Variants in NTF3 observed in about 807,000 individuals in gnomAD.
NTF3 encodes neurotrophin-3.
A neutral mutation model predicts 26.3 loss-of-function variants in NTF3; 8 were observed. The observed-to-expected ratio is 0.30, with a 90% CI of 0.18 to 0.55. The LOEUF is 0.55. Among genes scored for constraint, NTF3 ranks in the 20% least tolerant of loss-of-function variants. The pLI, the probability that NTF3 is intolerant of heterozygous loss-of-function variation, is 0.93. For synonymous variants in NTF3, 154 were observed against 145.5 expected (o/e 1.06, Z -0.42); for missense variants, 276 against 352.9 (o/e 0.78, Z 1.75).
intron 1 of NTF3, among the ~76,000 whole-genome samples, chr12:5,438,090 G>A (rs1442921483): frequency 6.6e-6 from 1 of 151,812 alleles, no homozygotes; most frequent in African/African-American, 2.4e-5. Flanking sequence ...GAACCTTGAA[G>A]TATGAGGCCA....
At chr12:5,490,613 G>A (rs1164867533) in intron 1 of NTF3, among the ~76,000 whole-genome samples, 2 of 152,232 alleles carry the variant, frequency 1.3e-5, no homozygotes, top group Non-Finnish European at 2.9e-5. Flanking sequence ...AGAAATGAAG[G>A]TATTGGTGGC....
intron 1 of NTF3, among the ~76,000 whole-genome samples, chr12:5,475,865 A>C (rs1159067533): frequency 6.6e-6 from 1 of 151,110 alleles, no homozygotes; most frequent in African/African-American, 2.4e-5. Context: ...AGAGAGAGAG[A>C]GAGAGAGAGA....
At chr12:5,434,148 G>A (rs555155960) in intron 1 of NTF3, among the ~76,000 whole-genome samples, 1 of 152,142 alleles carries the variant, frequency 6.6e-6, no homozygotes, top group South Asian at 2.1e-4. Flanking sequence ...TTTTTGACAT[G>A]TCACACAAAG....
chr12:5,461,068 T>C (rs944059135), intron 1 of NTF3, among the ~76,000 whole-genome samples: 1 of 152,040 alleles, frequency 6.6e-6, no homozygotes, highest in African/African-American at 2.4e-5. Context: ...AGAGTGGGAT[T>C]GGGGGGGAAG....
At chr12:5,459,661 T>C (rs1004084883) in intron 1 of NTF3, among the ~76,000 whole-genome samples, 6 of 152,224 alleles carry the variant, frequency 3.9e-5, no homozygotes, top group African/African-American at 1.2e-4. Context: ...GCTTAGCGGA[T>C]GTCCTAGACG....
At chr12:5,437,315 T>G (rs896298886) in intron 1 of NTF3, among the ~76,000 whole-genome samples, 1 of 152,166 alleles carries the variant, frequency 6.6e-6, no homozygotes, top group Admixed American at 6.5e-5. Flanking sequence ...TTGGGCCAAT[T>G]AAGTTGATTG....
At position 5,433,346 on chromosome 12, in the gene NTF3, G is replaced by C. The variant is rs966819808; in HGVS notation, c.18+1004G>C. ...GCAGCCAGCCAGGTCGGAGTTTAAA[G>C]GTCCCACGACGGACCGAACTGTCCC... On this transcript the variant is annotated intron_variant, in intron 1 of 1. Transcript: ENST00000423158. The surrounding 1 kb of genome is among the most constrained non-coding windows in gnomAD (Gnocchi z 4.6). 1 of 152,550 alleles carries C rather than the reference G, an allele frequency of 6.6e-6. No individual in the cohort carries two copies. Among genetic ancestry groups the C allele is most frequent in the Non-Finnish European group, 1.5e-5 (1 of 68,304 alleles). The allele number at this position is 152,550 out of a possible 1,614,324, so 9.4% of individuals were successfully genotyped here.
Position 5,495,144 on chromosome 12 carries a change from C to A in NTF3, c.*156C>A. The stretch of plus-strand genomic sequence containing the variant: ...ATATAAGCTTTTTTCTCAATAAAAT[C>A]AGTGTGCTTGCCTTCCCTCAGGCCT... On this transcript the variant is annotated 3_prime_UTR_variant, in exon 2 of 2. Transcript: ENST00000423158. 1 of 825,862 alleles carries A rather than the reference C, an allele frequency of 1.2e-6. No homozygotes were observed. The highest frequency in any genetic ancestry group is 1.9e-6 in the Non-Finnish European group (1 of 538,766). 51.2% of individuals were successfully genotyped at this position (825,862 alleles called of 1,614,324 possible).
intron 1 of NTF3, among the ~76,000 whole-genome samples, chr12:5,466,064 C>G (rs959275813): frequency 6.6e-6 from 1 of 152,192 alleles, no homozygotes; most frequent in Non-Finnish European, 1.5e-5. Context: ...GTCTCAGCCT[C>G]CCTGAAGAAT....
At chr12:5,480,583 C>T (rs1377124534) in intron 1 of NTF3, among the ~76,000 whole-genome samples, 2 of 152,100 alleles carry the variant, frequency 1.3e-5, no homozygotes, top group Non-Finnish European at 2.9e-5. Context: ...GGAGCTGACC[C>T]GGGAGGGAGA....
At chr12:5,455,577 CACACACAT>C (rs879423255) in intron 1 of NTF3, among the ~76,000 whole-genome samples, 8,812 of 85,944 alleles carry the variant, frequency 0.1, 719 homozygotes, top group African/African-American at 0.21. Context: ...CACACACACA[CACACACAT>C]AGCCCCTGTG....
At chr12:5,469,986 G>A (rs1231873701) in intron 1 of NTF3, among the ~76,000 whole-genome samples, 1 of 152,112 alleles carries the variant, frequency 6.6e-6, no homozygotes, top group Non-Finnish European at 1.5e-5. Context: ...GTGCAATGGC[G>A]CGATCTCAGC....
chr12:5,470,220 G>A (rs752102343), intron 1 of NTF3, among the ~76,000 whole-genome samples: 53 of 152,110 alleles, frequency 3.5e-4, no homozygotes, highest in Middle Eastern at 6.3e-3. Context: ...CACTGCGCTC[G>A]GCCTCCTGAG....
intron 1 of NTF3, among the ~76,000 whole-genome samples, chr12:5,447,085 T>C (rs1372042691): frequency 1.3e-5 from 2 of 152,182 alleles, no homozygotes; most frequent in South Asian, 4.1e-4. Context: ...CCTATCTCTG[T>C]GTCTGTCATG....
chr12:5,439,574 C>T (rs1940212818), intron 1 of NTF3, among the ~76,000 whole-genome samples: 1 of 152,362 alleles, frequency 6.6e-6, no homozygotes, highest in South Asian at 2.1e-4. Flanking sequence ...TGTGTCAGAT[C>T]TGTCTCAGCC....
intron 1 of NTF3, among the ~76,000 whole-genome samples, chr12:5,442,833 C>A (rs1365824975): frequency 6.6e-6 from 1 of 152,152 alleles, no homozygotes; most frequent in Non-Finnish European, 1.5e-5. Context: ...TCTTGCTAGC[C>A]GCTGTGCGAG....
chr12:5,463,915 A>G (rs1940554461), intron 1 of NTF3, among the ~76,000 whole-genome samples: 2 of 152,170 alleles, frequency 1.3e-5, no homozygotes, highest in Non-Finnish European at 2.9e-5. Context: ...TAACGAAATA[A>G]ATAAGTGATT....
At chr12:5,481,608 GA>G (rs1940800447) in intron 1 of NTF3, among the ~76,000 whole-genome samples, 1 of 86,764 alleles carries the variant, frequency 1.2e-5, no homozygotes. Context: ...CACACATACA[GA>G]CACACAGACA....
At chr12:5,439,047 C>A (rs1940207004) in intron 1 of NTF3, among the ~76,000 whole-genome samples, 1 of 152,180 alleles carries the variant, frequency 6.6e-6, no homozygotes, top group Admixed American at 6.5e-5. Context: ...ATGCTCTAAA[C>A]ATTGGCTTAG....
Sources: gnomAD v4.1 joint callset for allele counts (sites outside exome capture counted in the v4.1 genomes callset) on GRCh38, gnomAD v4.1.1 for gene constraint, Gnocchi (gnomAD v3.1) non-coding constraint, MANE v1.5 for transcripts, NCBI Gene and HGNC (gene_info 2026-07-23, HGNC 2026-07-21) for gene names.